The following COL4A6 variants were observed in gnomAD, a reference collection of about 807,000 sequenced individuals.
The protein encoded by COL4A6 is collagen alpha-6(IV) chain.
A neutral mutation model predicts 126.7 loss-of-function variants in COL4A6; 59 were observed. The observed-to-expected ratio is 0.47, with a 90% CI of 0.38 to 0.58. The LOEUF is 0.58. Among genes scored for constraint, COL4A6 ranks in the 20% least tolerant of loss-of-function variants. The pLI is 0.00. For synonymous variants in COL4A6, 547 were observed against 496.6 expected (o/e 1.10, Z -1.35); for missense variants, 1,285 against 1,337.3 (o/e 0.96, Z 0.61).
At chrX:108,377,275 T>C (rs1466229279) in intron 2 of COL4A6, among the ~76,000 whole-genome samples, 2 of 112,258 alleles carry the variant, frequency 1.8e-5, no homozygotes, top group East Asian at 5.6e-4. Context: ...TTTTCCCCTA[T>C]CTCAGTAGAT....
intron 2 of COL4A6, among the ~76,000 whole-genome samples, chrX:108,382,402 A>G (rs1411111133): frequency 1.8e-5 from 2 of 111,728 alleles, no homozygotes; most frequent in African/African-American, 6.5e-5. Flanking sequence ...TACTTAATAA[A>G]TGAAAATATT....
At chrX:108,170,546 G>A in intron 35 of COL4A6, 63 bp downstream of exon 35, 1 of 893,874 alleles carries the variant, frequency 1.1e-6, no homozygotes, top group Non-Finnish European at 1.6e-6. Context: ...CTAAGATAAA[G>A]TAGTTGGTGT....
intron 5 of COL4A6, among the ~76,000 whole-genome samples, chrX:108,214,829 G>T (rs1300545252): frequency 8.9e-6 from 1 of 112,682 alleles, no homozygotes; most frequent in Non-Finnish European, 1.9e-5. Context: ...TTAGAAAACT[G>T]TATGTTTTCC....
intron 3 of COL4A6, among the ~76,000 whole-genome samples, chrX:108,307,475 C>T (rs909137516): frequency 8.9e-5 from 10 of 112,237 alleles, no homozygotes; most frequent in African/African-American, 3.2e-4. Flanking sequence ...TTTGAGATAG[C>T]TTCATCCAAA....
intron 2 of COL4A6, among the ~76,000 whole-genome samples, chrX:108,344,707 T>A (rs779246583): frequency 8.9e-6 from 1 of 112,279 alleles, no homozygotes; most frequent in Non-Finnish European, 1.9e-5. Flanking sequence ...TGATTCAAGA[T>A]CCTTTGATTT....
intron 6 of COL4A6, among the ~76,000 whole-genome samples, chrX:108,212,678 C>G (rs745435364): frequency 1.8e-5 from 2 of 110,374 alleles, no homozygotes; most frequent in South Asian, 7.8e-4. Flanking sequence ...TTTCCTAACA[C>G]TGCCTGTTTC....
Position 108,176,867 on chromosome X carries a change from C to A in COL4A6, c.2660G>T (p.Gly887Val). The part of the protein sequence containing the change: ...KGSPGSPGVA[G>V]LPALSGPKGE... ...CTTGGGTCCAGAGAGGGCTGGCAAC[C>A]CAGCGACCCCTGGAGAGCCTGGGCT... The change falls in exon 28 of 45, where the codon GGG (glycine) becomes GTG (valine). Residue 887 changes from glycine (G) to valine (V), a missense_variant. Physicochemically the swap from Gly to Val is moderately radical, Grantham distance 109 (BLOSUM62 -3). Coordinates refer to ENST00000334504, the MANE Select transcript of COL4A6 (RefSeq NM_033641.4). The A allele has an allele frequency of 8.3e-7, 1 of 1,209,375 alleles. No individual in the cohort carries two copies. Among genetic ancestry groups the A allele is most frequent in the Non-Finnish European group, 1.1e-6 (1 of 894,819 alleles).
intron 3 of COL4A6, among the ~76,000 whole-genome samples, chrX:108,301,621 G>T (rs2038492792): frequency 9.0e-6 from 1 of 111,419 alleles, no homozygotes; most frequent in Admixed American, 9.5e-5. Context: ...ACTATGGAGG[G>T]GAATGGAACA....
At chrX:108,267,751 A>T (rs1015546996) in intron 3 of COL4A6, 4 of 112,617 alleles carry the variant, frequency 3.6e-5, no homozygotes, top group African/African-American at 1.3e-4. Context: ...GCGTGAGGCC[A>T]CACCCTGGGA....
chrX:108,334,258 G>A (rs915406114), intron 2 of COL4A6, among the ~76,000 whole-genome samples: 9 of 111,064 alleles, frequency 8.1e-5, no homozygotes, highest in Non-Finnish European at 1.7e-4. Context: ...TAGCCAAGTC[G>A]ACACATAAAA....
intron 20 of COL4A6, among the ~76,000 whole-genome samples, chrX:108,189,996 G>T (rs770336365): frequency 1.7e-4 from 19 of 112,454 alleles, no homozygotes; most frequent in Non-Finnish European, 3.4e-4. Flanking sequence ...CACCAGTGGG[G>T]GCTAGGGTTG....
intron 2 of COL4A6, among the ~76,000 whole-genome samples, chrX:108,406,397 C>A (rs969420984): frequency 3.6e-5 from 4 of 112,460 alleles, no homozygotes; most frequent in South Asian, 7.4e-4. Context: ...CTTCCGGTAT[C>A]CACCATTATA....
At chrX:108,222,073 A>G (rs2036032798) in intron 3 of COL4A6, among the ~76,000 whole-genome samples, 1 of 112,909 alleles carries the variant, frequency 8.9e-6, no homozygotes, top group African/African-American at 3.2e-5. Context: ...TCTATTAAGT[A>G]TCAATTATGA....
intron 18 of COL4A6, 40 bp from the exon 19 acceptor site, chrX:108,191,573 C>T (rs765231591): frequency 8.5e-7 from 1 of 1,175,288 alleles, no homozygotes; most frequent in Admixed American, 2.4e-5. Flanking sequence ...CATTATATCA[C>T]CTTACTCTCT....
intron 18 of COL4A6, 130 bp downstream of exon 18, chrX:108,192,343 C>G (rs1230127031): frequency 4.5e-6 from 2 of 447,304 alleles, no homozygotes; most frequent in African/African-American, 4.9e-5. Context: ...CGGGAACCTA[C>G]TGACTACAGT....
intron 2 of COL4A6, among the ~76,000 whole-genome samples, chrX:108,333,325 A>G (rs2039352086): frequency 9.0e-6 from 1 of 111,727 alleles, no homozygotes; most frequent in South Asian, 3.7e-4. Context: ...TCATATAATC[A>G]TTTCAATAGA....
intron 2 of COL4A6, among the ~76,000 whole-genome samples, chrX:108,382,901 T>C (rs772032844): frequency 2.1e-4 from 22 of 106,538 alleles, no homozygotes; most frequent in African/African-American, 7.2e-4. Context: ...TGAGCGGAGA[T>C]CATGCCACTG....
At chrX:108,404,462 T>C (rs1417615284) in intron 2 of COL4A6, among the ~76,000 whole-genome samples, 1 of 111,820 alleles carries the variant, frequency 8.9e-6, no homozygotes, top group Non-Finnish European at 1.9e-5. Flanking sequence ...AAAAGAAGCA[T>C]TGACCAACAT....
At chrX:108,287,349 G>A (rs1297400555) in intron 3 of COL4A6, among the ~76,000 whole-genome samples, 1 of 111,446 alleles carries the variant, frequency 9.0e-6, no homozygotes, top group Non-Finnish European at 1.9e-5. Context: ...AGTCAGATGT[G>A]AATTTTATCT....
Sources: gnomAD v4.1 joint callset for allele counts (sites outside exome capture counted in the v4.1 genomes callset) on GRCh38, gnomAD v4.1.1 for gene constraint, MANE v1.5 for transcripts, NCBI Gene and HGNC (gene_info 2026-07-23, HGNC 2026-07-21) for gene names.